RWDD4: variants seen among roughly 807,000 people sequenced by gnomAD.
The protein encoded by RWDD4 is RWD domain containing 4.
In RWDD4, 16 loss-of-function variants were observed where a neutral mutation model predicts 30.0. The ratio of observed to expected loss-of-function variants is 0.53; its 90% confidence interval spans 0.36 to 0.81. The LOEUF is 0.81. Ranked by LOEUF, RWDD4 falls within the 30% of genes least tolerant of loss-of-function variation. The pLI is 0.00. For synonymous variants in RWDD4, 45 were observed against 72.1 expected (o/e 0.62, Z 1.90); for missense variants, 170 against 223.9 (o/e 0.76, Z 1.54).
chr4:183,658,255 G>A (rs1241061217), intron 1 of RWDD4, among the ~76,000 whole-genome samples: 1 of 152,106 alleles, frequency 6.6e-6, no homozygotes, highest in African/African-American at 2.4e-5. Context: ...ATTCTACCAC[G>A]TACTTACTGT....
At chr4:183,655,315 A>G (rs1206101203) in intron 2 of RWDD4, among the ~76,000 whole-genome samples, 1 of 144,250 alleles carries the variant, frequency 6.9e-6, no homozygotes, top group Non-Finnish European at 1.5e-5. Context: ...TTTTTTTTTG[A>G]GACAGAGTCT....
At chr4:183,649,405 ACT>A (rs775725006) in intron 5 of RWDD4, 44 bp downstream of exon 5, 25 of 1,266,580 alleles carry the variant, frequency 2.0e-5, no homozygotes, top group African/African-American at 1.9e-4. Flanking sequence ...CAAGAGTGAG[ACT>A]CTGTCAAAAA....
At chr4:183,657,341 C>T (rs1198712530) in intron 1 of RWDD4, among the ~76,000 whole-genome samples, 7 of 152,206 alleles carry the variant, frequency 4.6e-5, no homozygotes, top group Non-Finnish European at 7.3e-5. Flanking sequence ...TATAGTACTA[C>T]TCCTTCTGTC....
intron 7 of RWDD4, among the ~76,000 whole-genome samples, chr4:183,645,294 A>G (rs1418465998): frequency 6.6e-6 from 1 of 152,260 alleles, no homozygotes; most frequent in Non-Finnish European, 1.5e-5. Flanking sequence ...AGTCCTACAA[A>G]GAGAATTAAT....
chr4:183,655,720 G>A (rs555509121), intron 2 of RWDD4, among the ~76,000 whole-genome samples, 161 bp downstream of exon 2: 7 of 152,148 alleles, frequency 4.6e-5, no homozygotes, highest in East Asian at 1.9e-4. Flanking sequence ...GTTTTCAAAC[G>A]TTAAAAATGA....
At chr4:183,644,708 G>A (rs1458230947) in intron 7 of RWDD4, among the ~76,000 whole-genome samples, 1 of 152,058 alleles carries the variant, frequency 6.6e-6, no homozygotes, top group Non-Finnish European at 1.5e-5. Context: ...GAACCCAGGA[G>A]CAGAGGGTGC....
chr4:183,648,511 A>C (rs1009817852), intron 5 of RWDD4, among the ~76,000 whole-genome samples: 1 of 152,128 alleles, frequency 6.6e-6, no homozygotes, highest in Non-Finnish European at 1.5e-5. Context: ...CTTCTAAAGA[A>C]CTCTTGTTTA....
chr4:183,644,610 C>T (rs768096681), intron 7 of RWDD4, among the ~76,000 whole-genome samples: 2 of 151,946 alleles, frequency 1.3e-5, no homozygotes, highest in Non-Finnish European at 2.9e-5. Flanking sequence ...GAAAGCCCAT[C>T]TCTATTAAAA....
At chr4:183,643,765 A>G (rs1733915124) in intron 7 of RWDD4, among the ~76,000 whole-genome samples, 1 of 152,122 alleles carries the variant, frequency 6.6e-6, no homozygotes, top group African/African-American at 2.4e-5. Flanking sequence ...AAAAAATACC[A>G]AAATTAGCCA....
At chr4:183,654,131 G>A (rs940434102) in intron 2 of RWDD4, among the ~76,000 whole-genome samples, 4 of 152,120 alleles carry the variant, frequency 2.6e-5, no homozygotes, top group Admixed American at 1.3e-4. Context: ...AATACACGGG[G>A]GGAAATGTCA....
At chr4:183,649,418 A>C in intron 5 of RWDD4, 33 bp downstream of exon 5, 1 of 1,363,558 alleles carries the variant, frequency 7.3e-7, no homozygotes, top group Non-Finnish European at 1.0e-6. Context: ...CTGTCAAAAA[A>C]AAGAAAAGAA....
chr4:183,643,449 C>CAAAAAAAAAAAAA (rs1346905013), intron 7 of RWDD4, among the ~76,000 whole-genome samples: 7 of 42,418 alleles, frequency 1.7e-4, no homozygotes, highest in Non-Finnish European at 3.1e-4. Context: ...AAAAAAAAAG[C>CAAAAAAAAAAAAA]ATTTAAGGGC....
In RWDD4 at chr4:183,651,041, T is replaced by C. The variant is rs371974622; in HGVS notation, c.306A>G (p.Glu102=). 5.0e-5 allele frequency: 80 copies of C among 1,613,500 alleles called. No individual in the cohort carries two copies. The East Asian group carries it at 1.0e-3, about 20-fold the overall frequency. The stretch of plus-strand genomic sequence containing the variant: ...ACTGCTCTTTATTGTCTTTGGCATA[T>C]TCAAACAATGTATAGGTCATAGCGG... ...LGTAMTYTLF[E]YAKDNKEQFM... is the part of the protein sequence containing the mutation. Residue 102 remains glutamate, a synonymous_variant, in exon 4 of 8, where the codon GAA becomes GAG. Transcript: ENST00000326397.
intron 2 of RWDD4, 66 bp downstream of exon 2, chr4:183,655,815 C>A: frequency 1.1e-6 from 1 of 899,514 alleles, no homozygotes; most frequent in Non-Finnish European, 1.8e-6. Flanking sequence ...ACAAAATAAG[C>A]ATTTTTAGCC....
chr4:183,653,910 A>G (rs1287093751), intron 2 of RWDD4, among the ~76,000 whole-genome samples: 1 of 152,236 alleles, frequency 6.6e-6, no homozygotes, highest in Admixed American at 6.5e-5. Context: ...TGCAATATGA[A>G]TAATAGTTCA....
chr4:183,652,378 T>TTTTTTTTAG (rs1734096604), intron 2 of RWDD4, among the ~76,000 whole-genome samples: 1 of 149,796 alleles, frequency 6.7e-6, no homozygotes, highest in Non-Finnish European at 1.5e-5. Context: ...TTTTTTTTTT[T>TTTTTTTTAG]GAGACAGGGT....
In RWDD4 at chr4:183,650,852, T is replaced by G. The variant is rs1159337867; in HGVS notation, c.363+132A>C. The G allele has an allele frequency of 3.9e-6, 3 of 765,392 alleles. No homozygotes were observed. In the Admixed American group the frequency reaches 9.4e-5, roughly 24 times the overall value. 47.4% of individuals were successfully genotyped at this position (765,392 alleles called of 1,614,324 possible). On this transcript the variant is annotated intron_variant, in intron 4 of 7. Coordinates refer to ENST00000326397, the MANE Select transcript of RWDD4 (RefSeq NM_152682.4). ...AAATCTGAAATCCATTGTTCTCATT[T>G]AACTCAGGTGTAACTCTCACTTTAA...
chr4:183,658,075 G>A lies in RWDD4; in HGVS notation c.24+854C>T, dbSNP rs77760136. ...CACCCGGCAAGAATATTTTAGAAGA[G>A]ATTCAGATATCAACTAGCTAGCTTG... On this transcript the variant is annotated intron_variant, in intron 1 of 7. Coordinates refer to ENST00000326397, the MANE Select transcript of RWDD4 (RefSeq NM_152682.4). Among the ~76,000 whole-genome samples, 1,202 of 152,336 alleles carry A rather than the reference G, an allele frequency of 7.9e-3. 9 individuals carry two copies. The highest frequency in any genetic ancestry group is 0.027 in the African/African-American group (1,134 of 41,576).
At chr4:183,643,563 C>T (rs904636210) in intron 7 of RWDD4, among the ~76,000 whole-genome samples, 4 of 151,372 alleles carry the variant, frequency 2.6e-5, no homozygotes, top group South Asian at 2.1e-4. Context: ...CTGGAAACTA[C>T]TGGCTTAGCA....
Sources: gnomAD v4.1 joint callset for allele counts (sites outside exome capture counted in the v4.1 genomes callset) on GRCh38, gnomAD v4.1.1 for gene constraint, MANE v1.5 for transcripts, NCBI Gene and HGNC (gene_info 2026-07-23, HGNC 2026-07-21) for gene names.